The following CEBPZOS variants were observed in gnomAD, a reference collection of about 807,000 sequenced individuals.
The protein encoded by CEBPZOS is protein CEBPZOS.
A neutral mutation model predicts 4.8 loss-of-function variants in CEBPZOS; 10 were observed. That is an observed-to-expected ratio of 2.07 (90% confidence interval 1.28 to 3.52). The LOEUF (loss-of-function observed/expected upper bound fraction) is 3.52. Ranked by LOEUF, CEBPZOS falls within the 30% of genes most tolerant of loss-of-function variation. The pLI is 0.00. For missense variants in CEBPZOS, 98 were observed against 43.6 expected, an observed-to-expected ratio of 2.25 and a Z score of -3.51; for synonymous variants, 25 against 14.2, an observed-to-expected ratio of 1.77 and a Z score of -1.72.
chr2:37,209,967 G>C (rs1572496769), intron 4 of CEBPZOS: 1 of 152,194 alleles, frequency 6.6e-6, no homozygotes, highest in East Asian at 1.9e-4. Flanking sequence ...AGTGTGTTAA[G>C]GATATGAACA....
At chr2:37,197,590 G>T (rs1022740380) in intron 1 of CEBPZOS, among the ~76,000 whole-genome samples, 2 of 152,228 alleles carry the variant, frequency 1.3e-5, no homozygotes, top group African/African-American at 4.8e-5. Context: ...AACCCCAAGA[G>T]GCCGGGCGTG....
chr2:37,213,909 C>A, downstream of CEBPZOS: 1 of 1,599,664 alleles, frequency 6.3e-7, no homozygotes, highest in Non-Finnish European at 8.5e-7. Context: ...TCTATACTTT[C>A]TTCATCTGCA....
intron 2 of CEBPZOS, among the ~76,000 whole-genome samples, 154 bp downstream of exon 2, chr2:37,199,973 A>G (rs934048964): frequency 5.9e-5 from 9 of 152,338 alleles, no homozygotes; most frequent in Admixed American, 5.9e-4. Context: ...CAAAGTATTC[A>G]TTATTGTGGA....
At chr2:37,208,300 A>G (rs1677606249), downstream of CEBPZOS, among the ~76,000 whole-genome samples, 1 of 152,102 alleles carries the variant, frequency 6.6e-6, no homozygotes, top group Non-Finnish European at 1.5e-5. Context: ...CATTCAATGA[A>G]GCCAATATCG....
At chr2:37,210,263 A>G (rs895566964) in intron 4 of CEBPZOS, 1 of 152,234 alleles carries the variant, frequency 6.6e-6, no homozygotes, top group Non-Finnish European at 1.5e-5. Flanking sequence ...TGATCTAGCA[A>G]TCCCACCACT....
chr2:37,209,211 C>T (rs1017533121), downstream of CEBPZOS: 3 of 152,046 alleles, frequency 2.0e-5, no homozygotes, highest in Non-Finnish European at 2.9e-5. Flanking sequence ...TGAAAATGAC[C>T]ATACTGCCAA....
In CEBPZOS at chr2:37,203,200, A is replaced by G; in HGVS notation, c.*1340A>G. The stretch of plus-strand genomic sequence containing the variant: ...ATATAATATTTTCAAAAAGCTAACA[A>G]CATCCTAATAGAACTGTTCAGATGA... On this transcript the variant is annotated 3_prime_UTR_variant, in exon 5 of 5. Transcript: ENST00000402297. 2.4e-6 allele frequency: 1 copy of G among 420,708 alleles called. No homozygotes were observed. The highest frequency in any genetic ancestry group is 4.2e-6 in the Non-Finnish European group (1 of 236,554). The allele number at this position is 420,708 out of a possible 1,614,324, so 26.1% of individuals were successfully genotyped here.
intron 4 of CEBPZOS, chr2:37,212,316 G>C: frequency 1.2e-6 from 2 of 1,605,198 alleles, no homozygotes; most frequent in Non-Finnish European, 1.7e-6. Context: ...ATAGGAAGGA[G>C]AAGATAGAAG....
intron 4 of CEBPZOS, chr2:37,210,905 A>T: frequency 2.7e-5 from 15 of 562,994 alleles, no homozygotes; most frequent in East Asian, 9.5e-5. Flanking sequence ...CCTGAATTTT[A>T]TTAATCAAAT....
intron 4 of CEBPZOS, among the ~76,000 whole-genome samples, chr2:37,212,840 AAAAAAAAAAAACAAAAACAACAACAAC>A: frequency 1.3e-5 from 2 of 150,056 alleles, no homozygotes; most frequent in Non-Finnish European, 3.0e-5. Context: ...TCTATTAAAA[AAAAAAAAAAAACAAAAACAACAACAAC>A]AAAAAAAAAA....
chr2:37,216,032 T>C (rs1677858596), downstream of CEBPZOS: 7 of 778,762 alleles, frequency 9.0e-6, no homozygotes, highest in South Asian at 1.4e-4. Flanking sequence ...GATAATGTCT[T>C]TGATGCTCAG....
In CEBPZOS at chr2:37,203,438, A is replaced by C. The variant is rs372805277; in HGVS notation, c.*1578A>C. On this transcript the variant is annotated 3_prime_UTR_variant, in exon 5 of 5. Transcript: ENST00000402297. ...TATTATGCTATAAATGAAGTTGTTT[A>C]TAACAGCGAAAAAGGTTCTCCTTTA... is the stretch of plus-strand genomic sequence containing the variant. 6.6e-6 allele frequency: 1 copy of C among 151,076 alleles called. No individual in the cohort carries two copies. Among genetic ancestry groups the C allele is most frequent in the South Asian group, 2.1e-4 (1 of 4,656 alleles). 9.4% of individuals were successfully genotyped at this position (151,076 alleles called of 1,614,324 possible). A position where few individuals can be genotyped will look rare whatever the true frequency, so the allele number is the denominator to read the frequency against.
Position 37,203,866 on chromosome 2 carries a change from A to T in CEBPZOS, c.*2006A>T, listed in dbSNP as rs1016623492. On this transcript the variant is annotated 3_prime_UTR_variant, in exon 5 of 5. Coordinates refer to ENST00000402297, the MANE Select transcript of CEBPZOS (RefSeq NM_001322374.2). ...CGTTTTTGAGGCTCATCCATGTTGT[A>T]GTACTCCATGCCATGTTGTGGGCTA... 1.3e-5 allele frequency: 2 copies of T among 152,154 alleles called. No homozygotes were observed. The highest frequency in any genetic ancestry group is 2.9e-5 in the Non-Finnish European group (2 of 68,028). The allele number at this position is 152,154 out of a possible 1,614,324, so 9.4% of individuals were successfully genotyped here.
intron 4 of CEBPZOS, chr2:37,212,703 G>C (rs1417521532): frequency 1.1e-5 from 4 of 361,542 alleles, no homozygotes; most frequent in Non-Finnish European, 2.0e-5. Context: ...TACTCTATTA[G>C]AACTACTTAA....
chr2:37,215,139 A>G (rs1464954225), downstream of CEBPZOS, among the ~76,000 whole-genome samples: 1 of 152,126 alleles, frequency 6.6e-6, no homozygotes, highest in Non-Finnish European at 1.5e-5. Context: ...GACCCCCCCA[A>G]CATTTGAAAC....
chr2:37,212,835 T>TAAAAAA (rs761764387), intron 4 of CEBPZOS, among the ~76,000 whole-genome samples: 2 of 61,898 alleles, frequency 3.2e-5, no homozygotes, highest in Non-Finnish European at 3.6e-5. Flanking sequence ...CTATCTCTAT[T>TAAAAAA]AAAAAAAAAA....
downstream of CEBPZOS, among the ~76,000 whole-genome samples, chr2:37,208,673 C>T (rs562445166): frequency 6.6e-6 from 1 of 152,212 alleles, no homozygotes; most frequent in South Asian, 2.1e-4. Context: ...ATGATAAACC[C>T]ATAGCCAACA....
In CEBPZOS at chr2:37,196,511, C is replaced by G. The variant is rs571032959; in HGVS notation, c.-11C>G. The G allele has an allele frequency of 6.6e-6, 1 of 152,348 alleles. No homozygotes were observed. The highest frequency in any genetic ancestry group is 2.1e-4 in the South Asian group (1 of 4,820). 9.4% of individuals were successfully genotyped at this position (152,348 alleles called of 1,614,324 possible). A position where few individuals can be genotyped will look rare whatever the true frequency, so the allele number is the denominator to read the frequency against. ...TTGCGCATGCGCAGTCCCCCTTGAA[C>G]GCACCTCAGGTAAGACTCTGGCGAG... On this transcript the variant is annotated 5_prime_UTR_variant, in exon 1 of 5. Coordinates refer to ENST00000402297, the MANE Select transcript of CEBPZOS (RefSeq NM_001322374.2).
intron 4 of CEBPZOS, 45 bp from the exon 5 acceptor site, chr2:37,201,818 A>C (rs1048564848): frequency 1.3e-6 from 2 of 1,594,846 alleles, no homozygotes; most frequent in Non-Finnish European, 1.7e-6. Context: ...TCTTTTTAAA[A>C]TGTTTCTTTT....
Sources: gnomAD v4.1 joint callset for allele counts (sites outside exome capture counted in the v4.1 genomes callset) on GRCh38, gnomAD v4.1.1 for gene constraint, MANE v1.5 for transcripts, NCBI Gene and HGNC (gene_info 2026-07-23, HGNC 2026-07-21) for gene names.